The following FNDC3A variants were observed in gnomAD, a reference collection of about 807,000 sequenced individuals.
FNDC3A encodes the protein fibronectin type III domain containing 3A, also known as fibronectin type-III domain-containing protein 3A.
A neutral mutation model predicts 148.9 loss-of-function variants in FNDC3A; 32 were observed. The observed-to-expected ratio is 0.21, with a 90% CI of 0.16 to 0.29. The LOEUF is 0.29. FNDC3A is among the 10% of genes least tolerant of loss of function. FNDC3A has a pLI of 1.00. For synonymous variants in FNDC3A, 472 were observed against 473.6 expected (o/e 1.00, Z 0.04); for missense variants, 1,191 against 1,452.8 (o/e 0.82, Z 2.93).
At chr13:49,058,865 A>C (rs1042003570) in intron 2 of FNDC3A, among the ~76,000 whole-genome samples, 2 of 152,176 alleles carry the variant, frequency 1.3e-5, no homozygotes, top group Non-Finnish European at 2.9e-5. Context: ...ACAGTCTTCT[A>C]ATTGGTAGCT....
intron 3 of FNDC3A, among the ~76,000 whole-genome samples, chr13:49,077,741 C>T (rs1878213034): frequency 6.6e-6 from 1 of 152,154 alleles, no homozygotes. Flanking sequence ...CACATGTATA[C>T]CGATGTAACA....
chr13:49,185,999 A>G lies in FNDC3A; in HGVS notation c.1653A>G (p.Pro551=), dbSNP rs140915215. Residue 551 remains proline, a synonymous_variant, in exon 15 of 26, where the codon CCA becomes CCG. Transcript: ENST00000492622. ...IAYNSEGKSN[P]SEVVEFTTCP... ...ACAACTCAGAAGGTAAAAGTAATCC[A>G]AGTGAAGTAGTAGAATTTACTACTT... The G allele has an allele frequency of 1.1e-4, 183 of 1,612,272 alleles. No individual in the cohort carries two copies. The Middle Eastern group carries it at 1.7e-3, about 15-fold the overall frequency.
At chr13:49,068,371 A>AATT (rs1877410801) in intron 2 of FNDC3A, among the ~76,000 whole-genome samples, 2 of 152,006 alleles carry the variant, frequency 1.3e-5, no homozygotes, top group Non-Finnish European at 2.9e-5. Flanking sequence ...TATAAAAAAT[A>AATT]AATTAATTAA....
chr13:49,142,749 A>T (rs1350547699), intron 7 of FNDC3A, among the ~76,000 whole-genome samples: 1 of 152,206 alleles, frequency 6.6e-6, no homozygotes, highest in Non-Finnish European at 1.5e-5. Flanking sequence ...ACCAAATTTT[A>T]TCTCATCCAA....
intron 3 of FNDC3A, among the ~76,000 whole-genome samples, chr13:49,091,953 A>G (rs192682455): frequency 1.1e-3 from 171 of 152,338 alleles, no homozygotes; most frequent in African/African-American, 3.9e-3. Flanking sequence ...CCATAGTCAA[A>G]TATTCAGTTT....
intron 2 of FNDC3A, among the ~76,000 whole-genome samples, chr13:49,067,420 G>A (rs1877338319): frequency 6.6e-6 from 1 of 152,140 alleles, no homozygotes; most frequent in Non-Finnish European, 1.5e-5. Context: ...AGTATTAATA[G>A]CTTGGTCAAA....
At chr13:49,178,054 C>T (rs78058133) in intron 13 of FNDC3A, among the ~76,000 whole-genome samples, 3,070 of 152,110 alleles carry the variant, frequency 0.02, 48 homozygotes, top group Middle Eastern at 0.041. Flanking sequence ...TGATAACGTT[C>T]GGAAAATTTG....
intron 3 of FNDC3A, among the ~76,000 whole-genome samples, chr13:49,085,654 TTTCTTCC>T (rs1878758745): frequency 2.0e-5 from 3 of 152,192 alleles, no homozygotes; most frequent in Non-Finnish European, 4.4e-5. Flanking sequence ...ACGTATACCA[TTTCTTCC>T]TATAATCACA....
intron 2 of FNDC3A, among the ~76,000 whole-genome samples, chr13:49,018,159 A>G (rs985951275): frequency 2.0e-5 from 3 of 151,510 alleles, no homozygotes; most frequent in Non-Finnish European, 4.4e-5. Flanking sequence ...GTCTTGCTAG[A>G]TTGGGGAAGT....
chr13:49,184,042 G>A (rs1653067806), intron 14 of FNDC3A, among the ~76,000 whole-genome samples: 1 of 152,218 alleles, frequency 6.6e-6, no homozygotes, highest in South Asian at 2.1e-4. Context: ...ATAGAATGGG[G>A]TAAGAGAGAA....
At chr13:49,027,451 T>A (rs1873800114) in intron 2 of FNDC3A, among the ~76,000 whole-genome samples, 1 of 152,190 alleles carries the variant, frequency 6.6e-6, no homozygotes, top group Non-Finnish European at 1.5e-5. Flanking sequence ...AAATACAGTA[T>A]AAATGTATTA....
intron 19 of FNDC3A, among the ~76,000 whole-genome samples, chr13:49,195,305 CAG>C: frequency 6.6e-6 from 1 of 152,166 alleles, no homozygotes; most frequent in African/African-American, 2.4e-5. Flanking sequence ...TTTTATAAAA[CAG>C]TTACGTTCAC....
intron 5 of FNDC3A, 99 bp from the exon 6 acceptor site, chr13:49,136,233 A>C: frequency 9.7e-7 from 1 of 1,034,308 alleles, no homozygotes; most frequent in East Asian, 2.7e-5. Context: ...TATTTTATAA[A>C]AGTTTTATAT....
intron 6 of FNDC3A, 78 bp from the exon 7 acceptor site, chr13:49,138,669 A>G (rs1882517294): frequency 1.5e-6 from 1 of 653,668 alleles, no homozygotes; most frequent in South Asian, 2.4e-5. Context: ...ACCTAGTTTC[A>G]GAATACATAT....
At chr13:49,160,810 G>A (rs1884055362) in intron 8 of FNDC3A, among the ~76,000 whole-genome samples, 1 of 151,466 alleles carries the variant, frequency 6.6e-6, no homozygotes, top group Non-Finnish European at 1.5e-5. Flanking sequence ...AGAGAATCTG[G>A]TATGTTGTGT....
At chr13:49,186,370 G>A (rs934829894) in intron 15 of FNDC3A, among the ~76,000 whole-genome samples, 7 of 152,156 alleles carry the variant, frequency 4.6e-5, no homozygotes, top group African/African-American at 1.7e-4. Context: ...TACTGAACTT[G>A]CAGCTAAAGT....
chr13:49,029,709 A>G (rs558451209), intron 2 of FNDC3A, among the ~76,000 whole-genome samples: 4 of 152,328 alleles, frequency 2.6e-5, no homozygotes, highest in African/African-American at 7.2e-5. Flanking sequence ...AGTGGTGAGC[A>G]TAGCTGCTTT....
At chr13:48,975,439 G>A (rs1951581253), upstream of FNDC3A, 2 of 152,210 alleles carry the variant, frequency 1.3e-5, no homozygotes, top group African/African-American at 4.8e-5. Context: ...TGGGTTCGAA[G>A]TCTTTGGGAT....
At chr13:48,995,328 A>G (rs1472718663) in intron 1 of FNDC3A, among the ~76,000 whole-genome samples, 1 of 148,558 alleles carries the variant, frequency 6.7e-6, no homozygotes, top group South Asian at 2.1e-4. Flanking sequence ...TTTTTCTTTT[A>G]GCATAACAAT....
Sources: allele counts gnomAD v4.1 joint callset (sites outside exome capture counted in the v4.1 genomes callset), GRCh38; gene constraint gnomAD v4.1.1; transcripts MANE v1.5; gene names NCBI Gene and HGNC (gene_info 2026-07-23, HGNC 2026-07-21).